PCDHA2: variants seen among roughly 807,000 people sequenced by gnomAD.
PCDHA2 encodes the protein protocadherin alpha 2, also known as protocadherin alpha-2.
Under a neutral mutation model 66.0 loss-of-function variants are expected in PCDHA2, and 58 were observed. That is an observed-to-expected ratio of 0.88 (90% CI 0.71 to 1.09). PCDHA2 has a LOEUF of 1.09. PCDHA2 is among the 50% of genes least tolerant of loss of function. The probability of loss-of-function intolerance (pLI) is 0.00; values close to 1 mark genes in which losing one functional copy is unlikely to be tolerated. For missense variants in PCDHA2, 1,267 were observed against 1,242.3 expected (o/e 1.02, Z -0.30); for synonymous variants, 634 against 554.0 (o/e 1.14, Z -2.03).
chr5:141,004,403 C>T (rs1424370254), intron 3 of PCDHA2, among the ~76,000 whole-genome samples: 1 of 152,166 alleles, frequency 6.6e-6, no homozygotes, highest in Non-Finnish European at 1.5e-5. Flanking sequence ...GGAGGAGGCA[C>T]CTGACTAGAT....
chr5:140,835,615 G>A, intron 1 of PCDHA2: 1 of 1,613,924 alleles, frequency 6.2e-7, no homozygotes, highest in South Asian at 1.1e-5. Flanking sequence ...GTGCTGGACA[G>A]CGCTCTGGAC....
intron 1 of PCDHA2, chr5:140,929,360 C>T (rs781864515): frequency 6.6e-7 from 1 of 1,519,748 alleles, no homozygotes; most frequent in Admixed American, 2.2e-5. Context: ...TTCCTTTGGC[C>T]CGGAGATGGC....
At chr5:140,948,979 G>T (rs2094330965) in intron 1 of PCDHA2, among the ~76,000 whole-genome samples, 1 of 151,514 alleles carries the variant, frequency 6.6e-6, no homozygotes, top group South Asian at 2.1e-4. Flanking sequence ...AGTATGAACT[G>T]CTTTATTTGC....
intron 1 of PCDHA2, chr5:140,881,278 T>G: frequency 5.4e-6 from 4 of 743,002 alleles, no homozygotes; most frequent in Non-Finnish European, 6.6e-6. Flanking sequence ...TGAAGTAAGA[T>G]GGAGAGAGAA....
In PCDHA2 at chr5:140,839,005, A is replaced by G. The variant is rs182308106; in HGVS notation, c.2388+41653A>G. On this transcript the variant is annotated intron_variant, in intron 1 of 3. Transcript: ENST00000526136. ...TGTTCCTAATATTCTAATATACTTT[A>G]GTAAATTATTTTAGGATATGTTACT... Among the ~76,000 whole-genome samples, 398 of 152,230 alleles carry G rather than the reference A, an allele frequency of 2.6e-3. 4 individuals are homozygous for G. The highest frequency in any genetic ancestry group is 9.1e-3 in the African/African-American group (377 of 41,530).
chr5:140,976,812 G>A (rs2096732233), intron 1 of PCDHA2, among the ~76,000 whole-genome samples: 1 of 152,178 alleles, frequency 6.6e-6, no homozygotes, highest in Non-Finnish European at 1.5e-5. Flanking sequence ...CTGAAGATAT[G>A]CATGTGTCTA....
chr5:140,859,656 C>A (rs2045955130), intron 1 of PCDHA2: 1 of 155,362 alleles, frequency 6.4e-6, no homozygotes, highest in Admixed American at 6.4e-5. Context: ...TCAGTACGTG[C>A]TTCACAAATA....
At position 140,900,792 on chromosome 5, in the gene PCDHA2, C is replaced by T. The variant is rs373914544; in HGVS notation, c.2389-78157C>T. On this transcript the variant is annotated intron_variant, in intron 1 of 3. Transcript: ENST00000526136. ...CTTTTTGAGGAAACTCCAAACTGTT[C>T]TCCATAGTGCTTGTACTAATTTACA... 1.1e-4 allele frequency among the ~76,000 whole-genome samples: 16 copies of T among 152,298 alleles called. No individual in the cohort carries two copies. The South Asian group carries it at 1.5e-3, about 14-fold the overall frequency.
intron 1 of PCDHA2, chr5:140,836,425 G>A (rs2150260582): frequency 1.2e-6 from 2 of 1,613,790 alleles, no homozygotes; most frequent in Admixed American, 1.7e-5. Flanking sequence ...GCGTCGTCGC[G>A]GGCATCGTTG....
chr5:141,009,594 C>G, intron 3 of PCDHA2, 33 bp from the exon 4 acceptor site: 1 of 1,602,468 alleles, frequency 6.2e-7, no homozygotes, highest in Non-Finnish European at 8.5e-7. Context: ...ATGTGTTGAC[C>G]CTGTTAATGA....
At position 140,849,641 on chromosome 5, in the gene PCDHA2, C is replaced by A. The variant is rs2150443548; in HGVS notation, c.2388+52289C>A. 5 of 1,598,742 alleles carry A rather than the reference C, an allele frequency of 3.1e-6. 2 individuals are homozygous for A. Among genetic ancestry groups the A allele is most frequent in the Non-Finnish European group, 2.6e-6 (3 of 1,167,966 alleles). ...TGATCGACCTAGACGCAGATGCCAA[C>A]GGGCAGGTTACCTGCTCCCTGACGC... On this transcript the variant is annotated intron_variant, in intron 1 of 3. Coordinates refer to ENST00000526136, the MANE Select transcript of PCDHA2 (RefSeq NM_018905.3).
At chr5:140,850,115 G>A (rs2150468444) in intron 1 of PCDHA2, 17 of 1,595,978 alleles carry the variant, frequency 1.1e-5, no homozygotes, top group Non-Finnish European at 1.5e-5. Flanking sequence ...CGCGCGACGC[G>A]GGCGTGCCGC....
At chr5:140,873,957 A>C (rs993299790) in intron 1 of PCDHA2, among the ~76,000 whole-genome samples, 7 of 152,236 alleles carry the variant, frequency 4.6e-5, no homozygotes, top group Non-Finnish European at 7.3e-5. Flanking sequence ...CACTGAGCCC[A>C]GCCTATTTTT....
At chr5:140,966,268 A>C (rs542154117) in intron 1 of PCDHA2, 5 of 351,754 alleles carry the variant, frequency 1.4e-5, no homozygotes, top group African/African-American at 1.0e-4. Context: ...AGACTGGATG[A>C]ACTGGACAGT....
chr5:140,845,497 T>C (rs1779898146), intron 1 of PCDHA2, among the ~76,000 whole-genome samples: 1 of 149,728 alleles, frequency 6.7e-6, no homozygotes, highest in African/African-American at 2.4e-5. Context: ...AGTGAGAAAG[T>C]CTAAACCTAT....
At chr5:140,802,356 T>A in intron 1 of PCDHA2, 12 of 1,614,264 alleles carry the variant, frequency 7.4e-6, no homozygotes, top group Non-Finnish European at 1.0e-5. Flanking sequence ...ACAGGTCACC[T>A]GCTCGCTGAC....
intron 1 of PCDHA2, chr5:140,871,196 AC>A (rs782394304): frequency 1.7e-5 from 28 of 1,613,546 alleles, no homozygotes; most frequent in Non-Finnish European, 2.2e-5. Context: ...GTCAACGTGT[AC>A]CTGATCATCG....
intron 1 of PCDHA2, chr5:140,856,391 G>A (rs1554148627): frequency 6.3e-7 from 1 of 1,598,560 alleles, no homozygotes; most frequent in Non-Finnish European, 8.6e-7. Context: ...GCCGCTGCAG[G>A]TTTTCCATGT....
In PCDHA2 at chr5:140,850,172, C is replaced by A. The variant is rs2150470572; in HGVS notation, c.2388+52820C>A. 55 of 1,594,266 alleles carry A rather than the reference C, an allele frequency of 3.4e-5. 7 individuals are homozygous for A. Among genetic ancestry groups the A allele is most frequent in the Non-Finnish European group, 4.5e-5 (52 of 1,167,736 alleles). ...TGCAGGTGTTCGTGCTGGACGAGAA[C>A]GACAATGCGCCGGCGCTGCTGACAC... is the stretch of plus-strand genomic sequence containing the variant. On this transcript the variant is annotated intron_variant, in intron 1 of 3. Transcript: ENST00000526136.
Sources: allele counts gnomAD v4.1 joint callset (sites outside exome capture counted in the v4.1 genomes callset), GRCh38; gene constraint gnomAD v4.1.1; transcripts MANE v1.5; gene names NCBI Gene and HGNC (gene_info 2026-07-23, HGNC 2026-07-21).